The following APOBEC3C variants were observed in gnomAD, a reference collection of about 807,000 sequenced individuals.
APOBEC3C encodes DNA dC->dU-editing enzyme APOBEC-3C.
Under a neutral mutation model 20.6 loss-of-function variants are expected in APOBEC3C, and 14 were observed. The observed-to-expected ratio is 0.68, with a 90% CI of 0.45 to 1.06. APOBEC3C has a LOEUF of 1.06. Ranked by LOEUF, APOBEC3C falls within the 50% of genes least tolerant of loss-of-function variation. The probability of loss-of-function intolerance (pLI) is 0.00; values close to 1 mark genes in which losing one functional copy is unlikely to be tolerated. For synonymous variants in APOBEC3C, 98 were observed against 88.8 expected (o/e 1.10, Z -0.58); for missense variants, 244 against 241.9 (o/e 1.01, Z -0.06).
In APOBEC3C at chr22:39,019,733, G is replaced by T. The variant is rs1480485302; in HGVS notation, c.*1346G>T. The T allele has an allele frequency of 6.6e-6, 1 of 151,144 alleles. No homozygotes were observed. Among genetic ancestry groups the T allele is most frequent in the African/African-American group, 2.4e-5 (1 of 40,920 alleles). 9.4% of individuals were successfully genotyped at this position (151,144 alleles called of 1,614,324 possible). A position where few individuals can be genotyped will look rare whatever the true frequency, so the allele number is the denominator to read the frequency against. On this transcript the variant is annotated 3_prime_UTR_variant, in exon 4 of 4. Coordinates refer to ENST00000361441, the MANE Select transcript of APOBEC3C (RefSeq NM_014508.3). ...GGCTGGCAGGGAGTCTCTTCCAGCC[G>T]TGTCCTCTGTGGCCTTTCCTCTATG...
In APOBEC3C at chr22:39,019,709, G is replaced by C. The variant is rs1440622580; in HGVS notation, c.*1322G>C. ...GTTTCCTCTGAGGCCGCTCCTTCTG[G>C]CTGGCAGGGAGTCTCTTCCAGCCGT... On this transcript the variant is annotated 3_prime_UTR_variant, in exon 4 of 4. Transcript: ENST00000361441. 1 of 151,716 alleles carries C rather than the reference G, an allele frequency of 6.6e-6. No individual in the cohort carries two copies. The highest frequency in any genetic ancestry group is 1.5e-5 in the Non-Finnish European group (1 of 67,994). 9.4% of individuals were successfully genotyped at this position (151,716 alleles called of 1,614,324 possible). A position where few individuals can be genotyped will look rare whatever the true frequency, so the allele number is the denominator to read the frequency against.
chr22:39,015,759 C>T lies in APOBEC3C; in HGVS notation c.174+8C>T. On this transcript the variant is annotated splice_region_variant and intron_variant, in intron 2 of 3. Transcript: ENST00000361441. ...GGCGTCTTCCGAAACCAGGTAGCAC[C>T]AAAGTCCTAGTTACACCCTAAATAG... 1.2e-6 allele frequency: 2 copies of T among 1,612,862 alleles called. No homozygotes were observed. The highest frequency in any genetic ancestry group is 1.7e-6 in the Non-Finnish European group (2 of 1,179,582).
At chr22:39,015,874 ATT>A (rs57093395) in intron 2 of APOBEC3C, 123 bp downstream of exon 2, 52,153 of 536,678 alleles carry the variant, frequency 0.097, no homozygotes, top group South Asian at 0.13. Flanking sequence ...CCACATTTCT[ATT>A]TTTTTTTTTT....
chr22:39,016,126 C>T (rs1924772022), intron 2 of APOBEC3C, among the ~76,000 whole-genome samples: 1 of 151,920 alleles, frequency 6.6e-6, no homozygotes, highest in Non-Finnish European at 1.5e-5. Flanking sequence ...GATCCACCAG[C>T]CTTGGCCTCC....
Position 39,014,324 on chromosome 22 carries a change from A to G in APOBEC3C, c.-39A>G. On this transcript the variant is annotated 5_prime_UTR_variant, in exon 1 of 4. Transcript: ENST00000361441. ...GAAGAGAAGCCACAGCGCTTCAGAAAAGAGTGGGACAGGGACAAGCATATC... is the reference window on the plus strand; with the variant it reads ...GAAGAGAAGCCACAGCGCTTCAGAAGAGAGTGGGACAGGGACAAGCATATC... 6.2e-7 allele frequency: 1 copy of G among 1,614,006 alleles called. No individual in the cohort carries two copies. Among genetic ancestry groups the G allele is most frequent in the Non-Finnish European group, 8.5e-7 (1 of 1,179,922 alleles).
chr22:39,018,011 G>C lies in APOBEC3C; in HGVS notation c.420G>C (p.Gln140His). 4 of 1,614,210 alleles carry C rather than the reference G, an allele frequency of 2.5e-6. No homozygotes were observed. Among genetic ancestry groups the C allele is most frequent in the Non-Finnish European group, 3.4e-6 (4 of 1,180,042 alleles). Residue 140 changes from glutamine to histidine, a missense_variant, in exon 3 of 4, where the codon CAG becomes CAC. Transcript: ENST00000361441. ...AGGAGGGGCTCCGCAGCCTGAGTCA[G>C]GAAGGGGTCGCTGTGGAGATCATGG... ...CYQEGLRSLSQEGVAVEIMDY... is the reference protein window; with the variant it reads ...CYQEGLRSLSHEGVAVEIMDY...
At chr22:39,016,485 G>A (rs1259177140) in intron 2 of APOBEC3C, among the ~76,000 whole-genome samples, 2 of 150,004 alleles carry the variant, frequency 1.3e-5, no homozygotes, top group Non-Finnish European at 2.9e-5. Flanking sequence ...CCAAAGTGCT[G>A]GGATTACAGG....
At chr22:39,015,451 A>G in intron 1 of APOBEC3C, 144 bp from the exon 2 acceptor site, 1 of 962,630 alleles carries the variant, frequency 1.0e-6, no homozygotes, top group South Asian at 1.9e-5. Flanking sequence ...CTGCCTGGGA[A>G]AGCAGCAGAC....
intron 2 of APOBEC3C, among the ~76,000 whole-genome samples, chr22:39,016,215 T>TTATTTATTTATTTATTTATTTATTTA (rs1603273095): frequency 2.7e-5 from 4 of 150,022 alleles, no homozygotes; most frequent in South Asian, 2.1e-4. Flanking sequence ...ATTTATTTAT[T>TTATTTATTTATTTATTTATTTATTTA]TTGAGACGGA....
intron 1 of APOBEC3C, among the ~76,000 whole-genome samples, chr22:39,014,874 G>A (rs905345981): frequency 7.2e-5 from 11 of 152,160 alleles, no homozygotes; most frequent in Admixed American, 7.2e-4. Flanking sequence ...TTCCAAAGAT[G>A]CCTCCACTGT....
In APOBEC3C at chr22:39,018,604, C is replaced by T. The variant is rs1303302883; in HGVS notation, c.*217C>T. On this transcript the variant is annotated 3_prime_UTR_variant, in exon 4 of 4. Transcript: ENST00000361441. The stretch of plus-strand genomic sequence containing the variant: ...CCTTTCTGCCTCCATGGCTATCCAT[C>T]CACCCCCACAGACCCCGTTCCTCCA... 1.6e-5 allele frequency: 8 copies of T among 491,816 alleles called. No homozygotes were observed. Among genetic ancestry groups the T allele is most frequent in the Non-Finnish European group, 2.8e-5 (8 of 282,988 alleles). The allele number at this position is 491,816 out of a possible 1,614,324, so 30.5% of individuals were successfully genotyped here.
rs1396445336 is a variant in APOBEC3C at position 39,018,058 on chromosome 22, G to T, written c.454+13G>T. ...ATGGACTATGAAGGTGAGACGTGGG[G>T]GGCTGAGGAGAGTGGGTGCAGGAGG... is the stretch of plus-strand genomic sequence containing the variant. On this transcript the variant is annotated intron_variant, in intron 3 of 3. Transcript: ENST00000361441. 6.2e-7 allele frequency: 1 copy of T among 1,612,994 alleles called. No individual in the cohort carries two copies. The highest frequency in any genetic ancestry group is 1.7e-5 in the Admixed American group (1 of 59,996).
In APOBEC3C at chr22:39,015,644, A is replaced by T. The variant is rs950375996; in HGVS notation, c.67A>T (p.Asn23Tyr). ...AGGCACATTCTACTTCCAATTTAAA[A>T]ACCTATGGGAAGCCAACGATCGGAA... is the stretch of plus-strand genomic sequence containing the variant. ...YPGTFYFQFKNLWEANDRNET... is the reference protein window; with the variant it reads ...YPGTFYFQFKYLWEANDRNET... The change falls in exon 2 of 4, where the codon AAC (asparagine) becomes TAC (tyrosine). Residue 23 changes from asparagine to tyrosine, a missense_variant. Coordinates refer to ENST00000361441, the MANE Select transcript of APOBEC3C (RefSeq NM_014508.3). 1.2e-5 allele frequency: 19 copies of T among 1,614,078 alleles called. No homozygotes were observed. The highest frequency in any genetic ancestry group is 1.6e-5 in the Non-Finnish European group (19 of 1,180,010).
chr22:39,015,608 G>A lies in APOBEC3C; in HGVS notation c.31G>A (p.Ala11Thr). Residue 11 changes from alanine (A) to threonine (T), a missense_variant, in exon 2 of 4, where the codon GCA becomes ACA. By Grantham distance (58) the Ala-to-Thr change is moderately conservative. Coordinates refer to ENST00000361441, the MANE Select transcript of APOBEC3C (RefSeq NM_014508.3). MNPQIRNPMKAMYPGTFYFQF... is the reference protein window; with the variant it reads MNPQIRNPMKTMYPGTFYFQF... ...TTGTGCCTTCAGAAACCCGATGAAG[G>A]CAATGTATCCAGGCACATTCTACTT... 1 of 1,613,992 alleles carries A rather than the reference G, an allele frequency of 6.2e-7. No individual in the cohort carries two copies. Among genetic ancestry groups the A allele is most frequent in the Non-Finnish European group, 8.5e-7 (1 of 1,179,946 alleles).
chr22:39,015,026 G>A (rs905398607), intron 1 of APOBEC3C, among the ~76,000 whole-genome samples: 3 of 152,108 alleles, frequency 2.0e-5, no homozygotes, highest in East Asian at 1.9e-4. Flanking sequence ...GGCCAGGCAC[G>A]GTGGCTTATG....
At chr22:39,014,455 G>A in intron 1 of APOBEC3C, 76 bp downstream of exon 1, 5 of 1,589,656 alleles carry the variant, frequency 3.1e-6, no homozygotes, top group East Asian at 2.2e-5. Flanking sequence ...CTCAGCCCTG[G>A]CCTCCCCCTG....
At position 39,015,714 on chromosome 22, in the gene APOBEC3C, C is replaced by T; in HGVS notation, c.137C>T (p.Ser46Leu). 5 of 1,614,028 alleles carry T rather than the reference C, an allele frequency of 3.1e-6. No homozygotes were observed. The highest frequency in any genetic ancestry group is 4.2e-6 in the Non-Finnish European group (5 of 1,179,992). The change falls in exon 2 of 4, where the codon TCA (serine) becomes TTA (leucine). Residue 46 changes from serine to leucine, a missense_variant. Ser to Leu is a moderately radical substitution (Grantham distance 145). Coordinates refer to ENST00000361441, the MANE Select transcript of APOBEC3C (RefSeq NM_014508.3). The stretch of plus-strand genomic sequence containing the variant: ...ACCGTGGAAGGTATAAAGCGCCGCT[C>T]AGTTGTCTCCTGGAAGACGGGCGTC... ...CFTVEGIKRR[S>L]VVSWKTGVFR...
At chr22:39,014,895 G>A (rs757475830) in intron 1 of APOBEC3C, among the ~76,000 whole-genome samples, 1 of 152,154 alleles carries the variant, frequency 6.6e-6, no homozygotes, top group African/African-American at 2.4e-5. Context: ...GAGCAGAGTA[G>A]GATGCACACG....
At chr22:39,017,359 C>T (rs1335750167) in intron 2 of APOBEC3C, among the ~76,000 whole-genome samples, 2 of 152,098 alleles carry the variant, frequency 1.3e-5, no homozygotes, top group Non-Finnish European at 2.9e-5. Flanking sequence ...TAAAATAAGG[C>T]TGTGCATGTG....
Sources: allele counts gnomAD v4.1 joint callset (sites outside exome capture counted in the v4.1 genomes callset), GRCh38; gene constraint gnomAD v4.1.1; transcripts MANE v1.5; gene names NCBI Gene and HGNC (gene_info 2026-07-23, HGNC 2026-07-21).